The following UGGT2 variants were observed in gnomAD, a reference collection of about 807,000 sequenced individuals.
The protein encoded by UGGT2 is UDP-glucose glycoprotein glucosyltransferase 2, also known as UDP-glucose:glycoprotein glucosyltransferase 2.
A neutral mutation model predicts 192.1 loss-of-function variants in UGGT2; 180 were observed. The ratio of observed to expected loss-of-function variants is 0.94; its 90% confidence interval spans 0.83 to 1.06. The LOEUF (loss-of-function observed/expected upper bound fraction) is 1.06. UGGT2 is among the 50% of genes least tolerant of loss of function. The pLI is 0.00. For missense variants in UGGT2, 1,849 were observed against 1,795.7 expected (o/e 1.03, Z -0.54); for synonymous variants, 580 against 591.0 (o/e 0.98, Z 0.27).
At chr13:95,969,906 G>T (rs2050715390) in intron 12 of UGGT2, among the ~76,000 whole-genome samples, 1 of 152,148 alleles carries the variant, frequency 6.6e-6, no homozygotes, top group Non-Finnish European at 1.5e-5. Flanking sequence ...GATTGAGTAG[G>T]TATTCTTGTG....
At chr13:95,841,872 G>C (rs919332245) in intron 36 of UGGT2, among the ~76,000 whole-genome samples, 4 of 152,218 alleles carry the variant, frequency 2.6e-5, no homozygotes, top group Non-Finnish European at 5.9e-5. Context: ...TATATGATGT[G>C]AGGTAGGGGT....
In UGGT2 at chr13:95,884,998, G is replaced by A. The variant is rs543575747; in HGVS notation, c.3039-318C>T. 3.9e-5 allele frequency among the ~76,000 whole-genome samples: 6 copies of A among 152,170 alleles called. 1 individual carries two copies. The South Asian group carries it at 1.2e-3, about 32-fold the overall frequency. On this transcript the variant is annotated intron_variant, in intron 26 of 38. Transcript: ENST00000376747. Reference sequence around the variant, plus strand: ...TCTGTTATTGTATTATGATTTGTATGCATCCTCCTTCAAATCTGACCATGG... The same window carrying A: ...TCTGTTATTGTATTATGATTTGTATACATCCTCCTTCAAATCTGACCATGG...
intron 38 of UGGT2, among the ~76,000 whole-genome samples, chr13:95,819,726 T>G (rs941114865): frequency 2.0e-5 from 3 of 152,062 alleles, no homozygotes; most frequent in African/African-American, 7.2e-5. Context: ...TCAGAAAACA[T>G]AAAGGCTCTT....
rs567155740 is a variant in UGGT2, at chr13:95,844,611, G to C, written c.4285-7409C>G. On this transcript the variant is annotated intron_variant, in intron 36 of 38. Transcript: ENST00000376747. ...ATTGTTATTGCTAGTATACAGAATTGGATTTTCATAGTGATTTTGTATCTT... is the reference window on the plus strand; with the variant it reads ...ATTGTTATTGCTAGTATACAGAATTCGATTTTCATAGTGATTTTGTATCTT... Among the ~76,000 whole-genome samples the C allele has an allele frequency of 3.9e-5, 6 of 152,234 alleles. No individual in the cohort carries two copies. In the East Asian group the frequency reaches 1.2e-3, roughly 29 times the overall value.
intron 26 of UGGT2, 29 bp downstream of exon 26, chr13:95,887,863 A>G: frequency 7.0e-7 from 1 of 1,427,794 alleles, no homozygotes; most frequent in Non-Finnish European, 9.7e-7. Flanking sequence ...CAAATTTTTC[A>G]AAATGAAATT....
At chr13:95,989,306 A>G (rs1395306941) in intron 8 of UGGT2, among the ~76,000 whole-genome samples, 3 of 152,164 alleles carry the variant, frequency 2.0e-5, no homozygotes, top group Admixed American at 2.0e-4. Context: ...CTTATTTAAC[A>G]AAAGAGCTTA....
rs561212536 is a variant in UGGT2 at position 96,040,614 on chromosome 13, C to A, written c.159-8643G>T. 2.0e-5 allele frequency among the ~76,000 whole-genome samples: 3 copies of A among 152,206 alleles called. 1 individual carries two copies. Among genetic ancestry groups the A allele is most frequent in the African/African-American group, 7.2e-5 (3 of 41,530 alleles). ...TGACTTAGGGTTACCTCCCAATAAA[C>A]CCATTAAGTTGGGTTTATTAAGTAT... On this transcript the variant is annotated intron_variant, in intron 1 of 38. Coordinates refer to ENST00000376747, the MANE Select transcript of UGGT2 (RefSeq NM_020121.4).
At chr13:95,863,202 T>A (rs1890323099) in intron 31 of UGGT2, among the ~76,000 whole-genome samples, 1 of 152,144 alleles carries the variant, frequency 6.6e-6, no homozygotes, top group Admixed American at 6.5e-5. Context: ...AGTATAGGTA[T>A]CAATCTAACA....
At chr13:96,012,851 G>C (rs1260418273) in intron 5 of UGGT2, among the ~76,000 whole-genome samples, 3 of 151,952 alleles carry the variant, frequency 2.0e-5, no homozygotes, top group Admixed American at 6.6e-5. Context: ...AAATGTGATA[G>C]TGTCATAGCA....
At chr13:95,850,895 G>T (rs1032557080) in intron 36 of UGGT2, among the ~76,000 whole-genome samples, 1 of 152,196 alleles carries the variant, frequency 6.6e-6, no homozygotes, top group Non-Finnish European at 1.5e-5. Flanking sequence ...ACCAGGAAAA[G>T]AGTTGTCTCA....
intron 16 of UGGT2, among the ~76,000 whole-genome samples, chr13:95,937,405 T>TC (rs1439394392): frequency 6.6e-6 from 1 of 152,164 alleles, no homozygotes; most frequent in African/African-American, 2.4e-5. Context: ...TATGGCTGTG[T>TC]CCCCAAAATA....
chr13:95,833,399 C>T (rs1156630063), intron 37 of UGGT2, among the ~76,000 whole-genome samples: 1 of 152,224 alleles, frequency 6.6e-6, no homozygotes, highest in Middle Eastern at 3.4e-3. Flanking sequence ...GCTTTGTAGG[C>T]ACAGTAGAAA....
Position 95,992,505 on chromosome 13 carries a change from T to C in UGGT2, c.831-2432A>G, listed in dbSNP as rs143844587. On this transcript the variant is annotated intron_variant, in intron 7 of 38. Coordinates refer to ENST00000376747, the MANE Select transcript of UGGT2 (RefSeq NM_020121.4). ...CTCTCAGCTTGAACATTATTGGCTT[T>C]TAGTAATGCTACTGATTTCTGTACA... 9.7e-3 allele frequency among the ~76,000 whole-genome samples: 1,474 copies of C among 152,300 alleles called. 24 individuals are homozygous for C. The highest frequency in any genetic ancestry group is 0.034 in the African/African-American group (1,408 of 41,570).
chr13:95,944,079 TTTA>T (rs1686101040), intron 15 of UGGT2, among the ~76,000 whole-genome samples: 2 of 152,008 alleles, frequency 1.3e-5, no homozygotes, highest in Admixed American at 1.3e-4. Flanking sequence ...AATACTTTCT[TTTA>T]TTCATTAGAT....
At chr13:96,015,798 T>C (rs531948958) in intron 4 of UGGT2, among the ~76,000 whole-genome samples, 2 of 152,340 alleles carry the variant, frequency 1.3e-5, no homozygotes, top group East Asian at 3.9e-4. Context: ...TGCAAAGATA[T>C]ATGTACAAGG....
intron 36 of UGGT2, among the ~76,000 whole-genome samples, chr13:95,838,027 G>T (rs1305288170): frequency 2.0e-5 from 3 of 152,130 alleles, no homozygotes; most frequent in Non-Finnish European, 4.4e-5. Context: ...GTCACTGTTT[G>T]TGATAACAGG....
chr13:96,020,141 T>C (rs1480672941), intron 4 of UGGT2, among the ~76,000 whole-genome samples: 1 of 152,228 alleles, frequency 6.6e-6, no homozygotes, highest in Non-Finnish European at 1.5e-5. Flanking sequence ...GGGAGGCTTA[T>C]TGGGTCCCTT....
intron 7 of UGGT2, chr13:95,991,207 A>G (rs954752556): frequency 2.1e-5 from 5 of 234,466 alleles, no homozygotes; most frequent in Non-Finnish European, 3.5e-5. Flanking sequence ...TCTTTATAGT[A>G]GAATGATTTA....
At position 96,053,219 on chromosome 13, in the gene UGGT2, A is replaced by G; in HGVS notation, c.94T>C (p.Ser32Pro). 2 of 1,537,538 alleles carry G rather than the reference A, an allele frequency of 1.3e-6. No individual in the cohort carries two copies. The highest frequency in any genetic ancestry group is 1.9e-5 in the Admixed American group (1 of 51,828). Reference protein sequence around the residue: ...SQLGSGTVAASKSVTAHLAAK... With the variant: ...SQLGSGTVAAPKSVTAHLAAK... ...GCCAAGTGGGCAGTCACCGACTTGG[A>G]CGCGGCGACCGTCCCGGAGCCGAGC... Residue 32 changes from serine (S) to proline (P), a missense_variant, in exon 1 of 39, where the codon TCC becomes CCC. Physicochemically the swap from Ser to Pro is moderately conservative, Grantham distance 74. Transcript: ENST00000376747.
Sources: allele counts gnomAD v4.1 joint callset (sites outside exome capture counted in the v4.1 genomes callset), GRCh38; gene constraint gnomAD v4.1.1; transcripts MANE v1.5; gene names NCBI Gene and HGNC (gene_info 2026-07-23, HGNC 2026-07-21).